DIAPH3: variants seen among roughly 807,000 people sequenced by gnomAD.
DIAPH3 encodes the protein diaphanous related formin 3.
In DIAPH3, 117 loss-of-function variants were observed where a neutral mutation model predicts 144.3. That is an observed-to-expected ratio of 0.81 (90% CI 0.70 to 0.95). The LOEUF is 0.95. Ranked by LOEUF, DIAPH3 falls within the 40% of genes least tolerant of loss-of-function variation. The pLI is 0.00. For missense variants in DIAPH3, 1,421 were observed against 1,412.7 expected, an observed-to-expected ratio of 1.01 and a Z score of -0.09; for synonymous variants, 519 against 488.9, an observed-to-expected ratio of 1.06 and a Z score of -0.81.
At chr13:60,061,927 T>C (rs957708111) in intron 4 of DIAPH3, among the ~76,000 whole-genome samples, 7 of 152,148 alleles carry the variant, frequency 4.6e-5, no homozygotes, top group South Asian at 2.1e-4. Context: ...TATACAAACA[T>C]CTTTACTGCC....
chr13:59,674,305 A>G (rs2032529600), intron 27 of DIAPH3, among the ~76,000 whole-genome samples: 1 of 152,194 alleles, frequency 6.6e-6, no homozygotes, highest in Non-Finnish European at 1.5e-5. Context: ...TAATATGGGT[A>G]TATTTAGTAT....
At chr13:59,822,693 G>A (rs1450179619) in intron 24 of DIAPH3, among the ~76,000 whole-genome samples, 1 of 151,852 alleles carries the variant, frequency 6.6e-6, no homozygotes. Context: ...CCACCCACTC[G>A]GCCTCCCAAA....
chr13:59,736,669 T>C (rs1243022450), intron 27 of DIAPH3, among the ~76,000 whole-genome samples: 2 of 152,162 alleles, frequency 1.3e-5, no homozygotes, highest in South Asian at 4.1e-4. Context: ...TTAAAATTCA[T>C]GTGGAACTCA....
At chr13:59,803,678 G>A (rs1163520331) in intron 25 of DIAPH3, among the ~76,000 whole-genome samples, 2 of 152,170 alleles carry the variant, frequency 1.3e-5, no homozygotes, top group Non-Finnish European at 2.9e-5. Flanking sequence ...AGGGGACAAA[G>A]GATGGTGTGT....
At chr13:59,852,232 G>A (rs2043017738) in intron 22 of DIAPH3, among the ~76,000 whole-genome samples, 1 of 152,156 alleles carries the variant, frequency 6.6e-6, no homozygotes, top group African/African-American at 2.4e-5. Flanking sequence ...TCTCTTCTGA[G>A]GGGAGAAAGG....
Position 59,666,363 on chromosome 13 carries a change from A to G in DIAPH3, c.*221T>C, listed in dbSNP as rs1312832065. 4 of 423,406 alleles carry G rather than the reference A, an allele frequency of 9.4e-6. No homozygotes were observed. Among genetic ancestry groups the G allele is most frequent in the Non-Finnish European group, 1.2e-5 (3 of 248,282 alleles). 26.2% of individuals were successfully genotyped at this position (423,406 alleles called of 1,614,324 possible). A position where few individuals can be genotyped will look rare whatever the true frequency, so the allele number is the denominator to read the frequency against. On this transcript the variant is annotated 3_prime_UTR_variant, in exon 28 of 28. Coordinates refer to ENST00000400324, the MANE Select transcript of DIAPH3 (RefSeq NM_001042517.2). ...ACTGAGGAATACCAGGAGACAAAAA[A>G]AAAAAAAAAAGGATTAAAGCCCGGT...
chr13:60,087,541 G>A (rs190862353), intron 4 of DIAPH3, among the ~76,000 whole-genome samples: 20 of 152,102 alleles, frequency 1.3e-4, no homozygotes, highest in Admixed American at 7.2e-4. Flanking sequence ...TTTATGCCTC[G>A]TAAAGTTATG....
At chr13:59,749,692 A>T (rs1230341489) in intron 27 of DIAPH3, among the ~76,000 whole-genome samples, 3 of 152,032 alleles carry the variant, frequency 2.0e-5, no homozygotes, top group Admixed American at 6.5e-5. Context: ...ATAATATTTT[A>T]AAAATAGTAT....
rs372728091 is a variant in DIAPH3 at position 59,666,750 on chromosome 13, T to C, written c.3416A>G (p.Asn1139Ser). 16 of 1,614,134 alleles carry C rather than the reference T, an allele frequency of 9.9e-6. No homozygotes were observed. In the East Asian group the frequency reaches 1.6e-4, roughly 16 times the overall value. Reference protein sequence around the residue: ...RTPVAKELNYNLDTHTSTGRI... With the variant: ...RTPVAKELNYSLDTHTSTGRI... Reference sequence around the variant, plus strand: ...CCCAGTAGACGTATGAGTGTCTAGATTATAATTAAGCTCCTTGGCGACTGG... The same window carrying C: ...CCCAGTAGACGTATGAGTGTCTAGACTATAATTAAGCTCCTTGGCGACTGG... The change falls in exon 28 of 28, where the codon AAT becomes AGT. Residue 1139 changes from asparagine to serine, a missense_variant. By Grantham distance (46) the Asn-to-Ser change is conservative. Transcript: ENST00000400324.
intron 24 of DIAPH3, among the ~76,000 whole-genome samples, chr13:59,828,985 T>C (rs1239685254): frequency 1.3e-5 from 2 of 151,924 alleles, no homozygotes; most frequent in East Asian, 1.9e-4. Flanking sequence ...TTTTGAAACT[T>C]TTCCCCCTTG....
chr13:60,074,607 C>T (rs941241161), intron 4 of DIAPH3, among the ~76,000 whole-genome samples: 6 of 152,348 alleles, frequency 3.9e-5, no homozygotes, highest in African/African-American at 1.4e-4. Flanking sequence ...GCCCCAGTTT[C>T]TCCAGCCCTA....
At chr13:59,892,678 G>T (rs1417928438) in intron 20 of DIAPH3, among the ~76,000 whole-genome samples, 1 of 151,822 alleles carries the variant, frequency 6.6e-6, no homozygotes, top group East Asian at 1.9e-4. Context: ...AGATAACACA[G>T]ACTCATTAAA....
At chr13:59,862,158 T>A (rs2043632349) in intron 21 of DIAPH3, among the ~76,000 whole-genome samples, 1 of 152,020 alleles carries the variant, frequency 6.6e-6, no homozygotes. Context: ...GGGCTATAGA[T>A]GAGGAAGGAT....
At chr13:59,707,808 C>A (rs1168650840) in intron 27 of DIAPH3, among the ~76,000 whole-genome samples, 1 of 152,004 alleles carries the variant, frequency 6.6e-6, no homozygotes, top group Non-Finnish European at 1.5e-5. Flanking sequence ...CCATTTCTAC[C>A]GATGAACTGT....
intron 22 of DIAPH3, among the ~76,000 whole-genome samples, chr13:59,860,024 T>G (rs1174687300): frequency 1.3e-5 from 2 of 152,160 alleles, no homozygotes; most frequent in East Asian, 3.9e-4. Context: ...GCTTATTTTT[T>G]GTCTTACAAA....
At chr13:60,019,028 A>G (rs1213779986) in intron 5 of DIAPH3, among the ~76,000 whole-genome samples, 1 of 152,142 alleles carries the variant, frequency 6.6e-6, no homozygotes, top group Non-Finnish European at 1.5e-5. Context: ...CCTCACCCCT[A>G]CTATTTTCAG....
chr13:59,980,744 G>T, intron 14 of DIAPH3, 51 bp downstream of exon 14: 2 of 1,483,520 alleles, frequency 1.3e-6, no homozygotes, highest in South Asian at 1.1e-5. Context: ...GCAGAAGCAT[G>T]CCTGCAGTGG....
chr13:59,900,168 G>A (rs1270722684), intron 20 of DIAPH3, among the ~76,000 whole-genome samples: 1 of 152,076 alleles, frequency 6.6e-6, no homozygotes, highest in Non-Finnish European at 1.5e-5. Context: ...AACTAAATAA[G>A]CTCAATCCCT....
chr13:59,745,436 T>C (rs1025751761), intron 27 of DIAPH3, among the ~76,000 whole-genome samples: 11 of 152,162 alleles, frequency 7.2e-5, no homozygotes, highest in Admixed American at 3.9e-4. Flanking sequence ...GGTGTTGAGT[T>C]TTCTCATGAT....
Sources: gnomAD v4.1 joint callset for allele counts (sites outside exome capture counted in the v4.1 genomes callset) on GRCh38, gnomAD v4.1.1 for gene constraint, MANE v1.5 for transcripts, NCBI Gene and HGNC (gene_info 2026-07-23, HGNC 2026-07-21) for gene names.